Variants in PID1 observed in about 807,000 individuals in gnomAD.
The protein encoded by PID1 is phosphotyrosine interaction domain containing 1.
Under a neutral mutation model 19.1 loss-of-function variants are expected in PID1, and 10 were observed. The ratio of observed to expected loss-of-function variants is 0.52; its 90% CI spans 0.32 to 0.89. The LOEUF (loss-of-function observed/expected upper bound fraction) is 0.89, where lower values mean the gene tolerates loss of function less well. Ranked by LOEUF, PID1 falls within the 40% of genes least tolerant of loss-of-function variation. The pLI is 0.03. For synonymous variants in PID1, 130 were observed against 116.0 expected (o/e 1.12, Z -0.78); for missense variants, 248 against 285.3 (o/e 0.87, Z 0.94).
At chr2:229,028,434 G>A (rs1393213476) in intron 2 of PID1, among the ~76,000 whole-genome samples, 1 of 152,186 alleles carries the variant, frequency 6.6e-6, no homozygotes, top group Non-Finnish European at 1.5e-5. Flanking sequence ...AAATTGTGGT[G>A]TTTACGCACC....
chr2:229,264,977 A>G (rs139660228), intron 1 of PID1, among the ~76,000 whole-genome samples: 73 of 152,340 alleles, frequency 4.8e-4, no homozygotes, highest in African/African-American at 1.7e-3. Flanking sequence ...GCTTCTGTTT[A>G]TTGAGCACCT....
At chr2:229,026,381 T>C (rs1404789089) in intron 2 of PID1, among the ~76,000 whole-genome samples, 2 of 152,236 alleles carry the variant, frequency 1.3e-5, no homozygotes, top group African/African-American at 4.8e-5. Flanking sequence ...TACTCCTTTT[T>C]TAAACCCCAA....
At chr2:229,073,792 C>T (rs766662892) in intron 2 of PID1, among the ~76,000 whole-genome samples, 1 of 152,124 alleles carries the variant, frequency 6.6e-6, no homozygotes, top group Non-Finnish European at 1.5e-5. Context: ...TGAAGAAAGC[C>T]GGGGCATTTA....
intron 1 of PID1, chr2:229,262,923 G>GCTCTA: frequency 6.9e-7 from 1 of 1,455,090 alleles, no homozygotes; most frequent in Non-Finnish European, 9.1e-7. Context: ...TTGGCTCTAG[G>GCTCTA]GTTCACCCTA....
In PID1 at chr2:229,193,784, G is replaced by GAAA. The variant is rs557216036; in HGVS notation, c.31-37823_31-37821dup. ...AAAAATTATATCGTAGCCTTATTGG[G>GAAA]AAAAAAAAAAAAGACCTTTCAAAGT... On this transcript the variant is annotated intron_variant, in intron 1 of 2. Transcript: ENST00000392055. Among the ~76,000 whole-genome samples, 1,004 of 138,210 alleles carry GAAA rather than the reference G, an allele frequency of 7.3e-3. 12 individuals carry two copies. Among genetic ancestry groups the GAAA allele is most frequent in the African/African-American group, 0.025 (954 of 37,886 alleles). 90.7% of individuals were successfully genotyped at this position (138,210 alleles called of 152,430 possible).
At chr2:229,230,518 A>G (rs1260832203) in intron 1 of PID1, among the ~76,000 whole-genome samples, 2 of 152,230 alleles carry the variant, frequency 1.3e-5, no homozygotes. Context: ...AATAACTCCT[A>G]TAAGCCTCTT....
chr2:229,096,411 T>C (rs1694971938), intron 2 of PID1, among the ~76,000 whole-genome samples: 1 of 152,202 alleles, frequency 6.6e-6, no homozygotes, highest in African/African-American at 2.4e-5. Flanking sequence ...AGATAATTTG[T>C]AGTCTTCACT....
intron 2 of PID1, among the ~76,000 whole-genome samples, chr2:229,061,868 G>A (rs1485133177): frequency 6.6e-5 from 10 of 151,846 alleles, no homozygotes; most frequent in Admixed American, 6.6e-4. Flanking sequence ...TTGTGACTAG[G>A]ATTGATTTCT....
chr2:229,182,949 AT>A lies in PID1; in HGVS notation c.31-26986del, dbSNP rs1690978302. On this transcript the variant is annotated intron_variant, in intron 1 of 2. Transcript: ENST00000392055. Reference sequence around the variant, plus strand: ...ATACCTTCTCCTCTTCCCCATTCTCATTCTCAGCTGAGGGCTTTGCTTCCCG... The same window carrying A: ...ATACCTTCTCCTCTTCCCCATTCTCATCTCAGCTGAGGGCTTTGCTTCCCG... Among the ~76,000 whole-genome samples, 6 of 152,206 alleles carry A rather than the reference AT, an allele frequency of 3.9e-5. No individual in the cohort carries two copies. The South Asian group carries it at 1.2e-3, about 32-fold the overall frequency.
intron 2 of PID1, among the ~76,000 whole-genome samples, chr2:229,154,490 A>G (rs1690324851): frequency 6.6e-6 from 1 of 152,164 alleles, no homozygotes; most frequent in Admixed American, 6.5e-5. Flanking sequence ...TGAGCAGTTA[A>G]ATCCCACAAA....
intron 1 of PID1, among the ~76,000 whole-genome samples, chr2:229,234,304 T>G (rs1692277540): frequency 6.6e-6 from 1 of 152,128 alleles, no homozygotes; most frequent in African/African-American, 2.4e-5. Context: ...GGCATTATAG[T>G]GGGTTAGCCA....
chr2:229,098,545 G>T (rs1345706109), intron 2 of PID1, among the ~76,000 whole-genome samples: 1 of 152,128 alleles, frequency 6.6e-6, no homozygotes, highest in Non-Finnish European at 1.5e-5. Flanking sequence ...AAGAAACATA[G>T]TCTTTATGTT....
chr2:229,071,046 T>A (rs1694440539), intron 2 of PID1, among the ~76,000 whole-genome samples: 1 of 151,962 alleles, frequency 6.6e-6, no homozygotes, highest in South Asian at 2.1e-4. Context: ...ATGTGTATAT[T>A]AATATTTAAT....
chr2:229,203,978 A>G (rs1221447736), intron 1 of PID1, among the ~76,000 whole-genome samples: 1 of 152,164 alleles, frequency 6.6e-6, no homozygotes, highest in Non-Finnish European at 1.5e-5. Context: ...TAGACCTATT[A>G]GACCCATAGG....
chr2:229,157,065 C>T (rs1690388263), intron 1 of PID1, among the ~76,000 whole-genome samples: 1 of 152,150 alleles, frequency 6.6e-6, no homozygotes, highest in Admixed American at 6.5e-5. Flanking sequence ...TACATATACA[C>T]ACACAAACAC....
intron 1 of PID1, among the ~76,000 whole-genome samples, chr2:229,260,728 A>G (rs1302549093): frequency 6.6e-6 from 1 of 151,614 alleles, no homozygotes; most frequent in Non-Finnish European, 1.5e-5. Context: ...CTGATTTGCT[A>G]CCCTAAGCAG....
intron 2 of PID1, among the ~76,000 whole-genome samples, chr2:229,098,421 T>C (rs1027754148): frequency 2.6e-5 from 4 of 152,194 alleles, no homozygotes; most frequent in Admixed American, 2.6e-4. Context: ...CTCAGAGCCT[T>C]GAAATGAAGC....
At chr2:229,256,150 G>A (rs1690289133) in intron 1 of PID1, among the ~76,000 whole-genome samples, 1 of 152,064 alleles carries the variant, frequency 6.6e-6, no homozygotes, top group African/African-American at 2.4e-5. Flanking sequence ...CAGCAAGCTG[G>A]GTGACTCAGT....
chr2:229,215,005 T>C (rs1691815927), intron 1 of PID1, among the ~76,000 whole-genome samples: 3 of 152,182 alleles, frequency 2.0e-5, no homozygotes, highest in Admixed American at 1.3e-4. Context: ...TTAGGCTCAA[T>C]AGTGTTGTGA....
Sources: allele counts gnomAD v4.1 joint callset (sites outside exome capture counted in the v4.1 genomes callset), GRCh38; gene constraint gnomAD v4.1.1; transcripts MANE v1.5; gene names NCBI Gene and HGNC (gene_info 2026-07-23, HGNC 2026-07-21).